FNBP1: variants seen among roughly 807,000 people sequenced by gnomAD.
FNBP1 encodes formin-binding protein 1.
A neutral mutation model predicts 90.6 loss-of-function variants in FNBP1; 26 were observed. That is an observed-to-expected ratio of 0.29 (90% CI 0.21 to 0.40). FNBP1 has a LOEUF of 0.40. Among genes scored for constraint, FNBP1 ranks in the 10% least tolerant of loss-of-function variants. FNBP1 has a pLI of 1.00. For missense variants in FNBP1, 635 were observed against 768.0 expected (o/e 0.83, Z 2.05); for synonymous variants, 260 against 265.2 (o/e 0.98, Z 0.19).
intron 1 of FNBP1, among the ~76,000 whole-genome samples, chr9:130,026,500 A>G (rs1289083529): frequency 6.6e-6 from 1 of 152,062 alleles, no homozygotes; most frequent in Non-Finnish European, 1.5e-5. Flanking sequence ...TCTCAAAAAA[A>G]CAAACAAAAA....
chr9:129,970,875 T>A (rs958454229), intron 4 of FNBP1, among the ~76,000 whole-genome samples: 5 of 152,064 alleles, frequency 3.3e-5, no homozygotes, highest in African/African-American at 9.7e-5. Context: ...TTTTAGTGAA[T>A]CTGCTTTTTG....
At chr9:129,906,666 G>T (rs1032949749) in intron 12 of FNBP1, among the ~76,000 whole-genome samples, 1 of 152,140 alleles carries the variant, frequency 6.6e-6, no homozygotes, top group African/African-American at 2.4e-5. Context: ...CCTCAAATAT[G>T]TCTTTATTAG....
At chr9:129,987,096 T>G (rs2052393413) in intron 2 of FNBP1, among the ~76,000 whole-genome samples, 1 of 152,028 alleles carries the variant, frequency 6.6e-6, no homozygotes, top group Admixed American at 6.6e-5. Context: ...GAGAGAAACA[T>G]CTGGCTGGCC....
At chr9:130,007,603 T>C (rs931395872) in intron 1 of FNBP1, among the ~76,000 whole-genome samples, 1 of 152,208 alleles carries the variant, frequency 6.6e-6, no homozygotes, top group Non-Finnish European at 1.5e-5. Flanking sequence ...TTTGACGTTC[T>C]TAGAACACCT....
intron 6 of FNBP1, among the ~76,000 whole-genome samples, chr9:129,951,299 G>T (rs34922793): frequency 0.041 from 6,241 of 151,926 alleles, 184 homozygotes; most frequent in Middle Eastern, 0.061. Context: ...TCTGTATGTT[G>T]CCCAGGCTGG....
chr9:130,040,745 A>G (rs2059751329), intron 1 of FNBP1, among the ~76,000 whole-genome samples: 2 of 152,150 alleles, frequency 1.3e-5, no homozygotes, highest in Non-Finnish European at 2.9e-5. Context: ...AATTACAAAT[A>G]GTTCACATCC....
At chr9:130,010,322 C>A (rs970480361) in intron 1 of FNBP1, among the ~76,000 whole-genome samples, 10 of 152,130 alleles carry the variant, frequency 6.6e-5, no homozygotes, top group Admixed American at 2.6e-4. Flanking sequence ...ATCTCTCTTG[C>A]AACACAGACA....
At chr9:129,917,004 T>A (rs2040355853) in intron 10 of FNBP1, among the ~76,000 whole-genome samples, 1 of 151,202 alleles carries the variant, frequency 6.6e-6, no homozygotes. Context: ...TGGAGAATTA[T>A]CCACTGTGAC....
chr9:129,915,035 C>T (rs985792050), intron 11 of FNBP1: 22 of 260,830 alleles, frequency 8.4e-5, no homozygotes, highest in African/African-American at 1.8e-4. Flanking sequence ...TAAGTAGAAA[C>T]GACACAAAAC....
chr9:129,971,462 C>G (rs1210257220), intron 4 of FNBP1, among the ~76,000 whole-genome samples: 1 of 152,052 alleles, frequency 6.6e-6, no homozygotes, highest in Admixed American at 6.6e-5. Flanking sequence ...GCGATCTCAG[C>G]TCACTGCAAC....
chr9:129,992,790 G>C (rs1419110350), intron 2 of FNBP1, among the ~76,000 whole-genome samples: 1 of 149,934 alleles, frequency 6.7e-6, no homozygotes, highest in East Asian at 2.0e-4. Flanking sequence ...CTGACCTCGT[G>C]ATCCACCTGC....
intron 2 of FNBP1, among the ~76,000 whole-genome samples, chr9:129,980,564 G>A (rs867472849): frequency 2.6e-5 from 4 of 151,506 alleles, no homozygotes; most frequent in Non-Finnish European, 2.9e-5. Flanking sequence ...ATTCAGATTA[G>A]CCAAAATCAT....
chr9:129,933,844 T>C (rs1444164657), intron 6 of FNBP1, among the ~76,000 whole-genome samples: 1 of 152,164 alleles, frequency 6.6e-6, no homozygotes, highest in Non-Finnish European at 1.5e-5. Context: ...AGGACTGTCT[T>C]TTTCTCAGTC....
At chr9:129,941,018 C>T (rs1564387241) in intron 6 of FNBP1, among the ~76,000 whole-genome samples, 1 of 152,128 alleles carries the variant, frequency 6.6e-6, no homozygotes, top group Non-Finnish European at 1.5e-5. Flanking sequence ...CATATTGATG[C>T]CATGGATACC....
chr9:129,992,549 CTTTTTTT>C (rs11455680), intron 2 of FNBP1, among the ~76,000 whole-genome samples: 1 of 92,532 alleles, frequency 1.1e-5, no homozygotes, highest in Non-Finnish European at 1.9e-5. Flanking sequence ...ACACATAGCT[CTTTTTTT>C]TTTTTTTTTT....
At chr9:129,905,447 G>T (rs1588426086) in intron 12 of FNBP1, among the ~76,000 whole-genome samples, 1 of 151,846 alleles carries the variant, frequency 6.6e-6, no homozygotes, top group African/African-American at 2.4e-5. Flanking sequence ...GAGTAGCTGG[G>T]ACTACAGGCG....
chr9:129,995,989 C>T (rs1458123370), intron 1 of FNBP1, among the ~76,000 whole-genome samples: 6 of 152,188 alleles, frequency 3.9e-5, no homozygotes, highest in Admixed American at 3.9e-4. Flanking sequence ...ATTTAACAAA[C>T]ACAATCAACT....
chr9:129,965,679 T>A (rs961386496), intron 4 of FNBP1, among the ~76,000 whole-genome samples: 18 of 97,476 alleles, frequency 1.8e-4, no homozygotes, highest in Non-Finnish European at 2.7e-4. Context: ...CCCATCTCTC[T>A]TAAAACACAC....
chr9:129,978,742 C>A, intron 3 of FNBP1, 130 bp from the exon 4 acceptor site: 1 of 815,196 alleles, frequency 1.2e-6, no homozygotes, highest in Non-Finnish European at 1.9e-6. Context: ...CCTGAGTATT[C>A]ATTACACATC....
Sources: allele counts gnomAD v4.1 joint callset (sites outside exome capture counted in the v4.1 genomes callset), GRCh38; gene constraint gnomAD v4.1.1; transcripts MANE v1.5; gene names NCBI Gene and HGNC (gene_info 2026-07-23, HGNC 2026-07-21).